GPC5: variants seen among roughly 807,000 people sequenced by gnomAD.
GPC5 encodes the protein glypican-5.
In GPC5, 47 loss-of-function variants were observed where a neutral mutation model predicts 53.9. That is an observed-to-expected ratio of 0.87 (90% CI 0.69 to 1.11). The LOEUF (loss-of-function observed/expected upper bound fraction) is 1.11, where lower values mean the gene tolerates loss of function less well. Among genes scored for constraint, GPC5 ranks in the 50% most tolerant of loss-of-function variants. The pLI is 0.00. For synonymous variants in GPC5, 286 were observed against 263.3 expected, an observed-to-expected ratio of 1.09 and a Z score of -0.84; for missense variants, 748 against 713.1, an observed-to-expected ratio of 1.05 and a Z score of -0.56.
intron 7 of GPC5, among the ~76,000 whole-genome samples, chr13:92,535,881 A>G (rs774333885): frequency 1.6e-4 from 25 of 152,142 alleles, no homozygotes; most frequent in South Asian, 2.1e-4. Flanking sequence ...ACTCACCTCA[A>G]TGGAGTAGTG....
At chr13:92,058,016 A>G (rs2041090391) in intron 6 of GPC5, among the ~76,000 whole-genome samples, 1 of 152,092 alleles carries the variant, frequency 6.6e-6, no homozygotes, top group Non-Finnish European at 1.5e-5. Flanking sequence ...AAAATGGCAG[A>G]CATAATTGAA....
chr13:91,430,393 T>C (rs1262705855), intron 1 of GPC5, among the ~76,000 whole-genome samples: 1 of 152,220 alleles, frequency 6.6e-6, no homozygotes, highest in East Asian at 1.9e-4. Context: ...TTGGCCATAG[T>C]GCTTGTTTAG....
chr13:92,377,119 A>G (rs973956292), intron 7 of GPC5, among the ~76,000 whole-genome samples: 2 of 152,220 alleles, frequency 1.3e-5, no homozygotes, highest in Non-Finnish European at 2.9e-5. Flanking sequence ...CAATGCCACC[A>G]TGAAGTCTTT....
chr13:92,068,193 G>A (rs1182264043), intron 6 of GPC5, among the ~76,000 whole-genome samples: 1 of 151,762 alleles, frequency 6.6e-6, no homozygotes, highest in Non-Finnish European at 1.5e-5. Context: ...ATTTAAAACT[G>A]TTTAACTGAC....
chr13:92,207,017 T>G (rs1040202080), intron 7 of GPC5, among the ~76,000 whole-genome samples: 2 of 152,208 alleles, frequency 1.3e-5, no homozygotes, highest in Non-Finnish European at 2.9e-5. Flanking sequence ...TGAATTTTCC[T>G]TTTTGCCTAT....
At chr13:92,638,918 T>C (rs774978328) in intron 7 of GPC5, among the ~76,000 whole-genome samples, 21 of 152,230 alleles carry the variant, frequency 1.4e-4, no homozygotes, top group Non-Finnish European at 2.9e-4. Flanking sequence ...TTTTGTTAGA[T>C]ACAAATACAG....
At chr13:92,499,021 C>A (rs192707545) in intron 7 of GPC5, among the ~76,000 whole-genome samples, 5 of 151,856 alleles carry the variant, frequency 3.3e-5, no homozygotes, top group African/African-American at 9.7e-5. Context: ...CTCTTCCCCC[C>A]ACTTCATCCT....
chr13:92,174,248 G>A (rs1441652277), intron 7 of GPC5, among the ~76,000 whole-genome samples: 1 of 152,048 alleles, frequency 6.6e-6, no homozygotes, highest in African/African-American at 2.4e-5. Context: ...TGGGCCGGGT[G>A]TGGTGGCTCA....
At chr13:92,623,402 G>C (rs1315953686) in intron 7 of GPC5, among the ~76,000 whole-genome samples, 1 of 152,186 alleles carries the variant, frequency 6.6e-6, no homozygotes, top group African/African-American at 2.4e-5. Flanking sequence ...ACAGCTGTGA[G>C]GGCTGTAGAA....
intron 5 of GPC5, among the ~76,000 whole-genome samples, chr13:91,882,793 T>C: frequency 6.6e-6 from 1 of 151,730 alleles, no homozygotes; most frequent in East Asian, 1.9e-4. Context: ...TGAACTTGCT[T>C]ATAGTTTCTT....
rs530826195 is a variant in GPC5, at chr13:92,521,236, G to A, written c.1562-345046G>A. Among the ~76,000 whole-genome samples the A allele has an allele frequency of 3.3e-5, 5 of 152,028 alleles. No homozygotes were observed. The South Asian group carries it at 6.2e-4, about 19-fold the overall frequency. Reference sequence around the variant, plus strand: ...TTACAGAGTCGATGCCATCCCCATCGAGCTACCAATGAGTTTCTTCACAGA... The same window carrying A: ...TTACAGAGTCGATGCCATCCCCATCAAGCTACCAATGAGTTTCTTCACAGA... On this transcript the variant is annotated intron_variant, in intron 7 of 7. Coordinates refer to ENST00000377067, the MANE Select transcript of GPC5 (RefSeq NM_004466.6).
chr13:91,467,058 G>C (rs953652004), intron 2 of GPC5, among the ~76,000 whole-genome samples: 1 of 152,158 alleles, frequency 6.6e-6, no homozygotes, highest in Non-Finnish European at 1.5e-5. Context: ...CCAGACAACT[G>C]TGCAGTATGA....
rs190203069 is a variant in GPC5 at position 92,340,199 on chromosome 13, T to C, written c.1561+195210T>C. Among the ~76,000 whole-genome samples the C allele has an allele frequency of 9.9e-5, 15 of 152,278 alleles. No individual in the cohort carries two copies. The East Asian group carries it at 2.9e-3, about 29-fold the overall frequency. Reference sequence around the variant, plus strand: ...TACACATTTCCATAGTAAAGTTGTATGAAAATGGTAATTATGTAGTTTATT... The same window carrying C: ...TACACATTTCCATAGTAAAGTTGTACGAAAATGGTAATTATGTAGTTTATT... On this transcript the variant is annotated intron_variant, in intron 7 of 7. Coordinates refer to ENST00000377067, the MANE Select transcript of GPC5 (RefSeq NM_004466.6).
intron 7 of GPC5, among the ~76,000 whole-genome samples, chr13:92,620,152 C>A (rs111629904): frequency 0.028 from 4,256 of 151,964 alleles, 205 homozygotes; most frequent in African/African-American, 0.098. Flanking sequence ...TGCATGTATA[C>A]TTTTATTAAA....
At chr13:92,327,670 C>G (rs142825373) in intron 7 of GPC5, among the ~76,000 whole-genome samples, 16 of 152,272 alleles carry the variant, frequency 1.1e-4, no homozygotes, top group African/African-American at 3.6e-4. Context: ...TTCGTGTTAT[C>G]ACTGTGAATC....
intron 7 of GPC5, among the ~76,000 whole-genome samples, chr13:92,276,769 A>T (rs1333366751): frequency 6.6e-6 from 1 of 152,144 alleles, no homozygotes; most frequent in Non-Finnish European, 1.5e-5. Context: ...GATCCAATAG[A>T]TGTATAATGA....
intron 7 of GPC5, among the ~76,000 whole-genome samples, chr13:92,599,706 G>A (rs963430421): frequency 2.6e-5 from 4 of 152,084 alleles, no homozygotes; most frequent in African/African-American, 9.7e-5. Flanking sequence ...ACAAAACAGG[G>A]AAAACAAGAA....
At chr13:91,588,769 T>G (rs1407185600) in intron 2 of GPC5, among the ~76,000 whole-genome samples, 1 of 152,122 alleles carries the variant, frequency 6.6e-6, no homozygotes. Context: ...CTTGTGTCAT[T>G]GCATTTTCAG....
chr13:92,637,854 A>G (rs532058304), intron 7 of GPC5, among the ~76,000 whole-genome samples: 8 of 152,332 alleles, frequency 5.3e-5, no homozygotes, highest in Admixed American at 2.6e-4. Flanking sequence ...ACAGGTATCT[A>G]TGTTTGAAAA....
Sources: gnomAD v4.1 joint callset for allele counts (sites outside exome capture counted in the v4.1 genomes callset) on GRCh38, gnomAD v4.1.1 for gene constraint, MANE v1.5 for transcripts, NCBI Gene and HGNC (gene_info 2026-07-23, HGNC 2026-07-21) for gene names.